Variants in TMEFF2 observed in about 807,000 individuals in gnomAD.
TMEFF2 encodes the protein transmembrane protein with EGF like and two follistatin like domains 2, also known as tomoregulin-2.
In TMEFF2, 28 loss-of-function variants were observed where a neutral mutation model predicts 53.8. That is an observed-to-expected ratio of 0.52 (90% CI 0.39 to 0.71). TMEFF2 has a LOEUF of 0.71. Ranked by LOEUF, TMEFF2 falls within the 30% of genes least tolerant of loss-of-function variation. The pLI, the probability that TMEFF2 is intolerant of heterozygous loss-of-function variation, is 0.00. For missense variants in TMEFF2, 353 were observed against 455.2 expected, an observed-to-expected ratio of 0.78 and a Z score of 2.04; for synonymous variants, 162 against 166.3, an observed-to-expected ratio of 0.97 and a Z score of 0.20.
At chr2:192,127,070 A>G (rs901805700) in intron 4 of TMEFF2, among the ~76,000 whole-genome samples, 1 of 152,222 alleles carries the variant, frequency 6.6e-6, no homozygotes, top group Admixed American at 6.5e-5. Context: ...CATGAATGAG[A>G]TTATTAGTGC....
intron 4 of TMEFF2, among the ~76,000 whole-genome samples, chr2:192,101,018 A>G (rs2105944359): frequency 6.6e-6 from 1 of 152,306 alleles, no homozygotes; most frequent in East Asian, 1.9e-4. Context: ...CGCTTATTAT[A>G]AACTGTACTT....
At chr2:191,959,303 G>A (rs1692198606) in intron 7 of TMEFF2, among the ~76,000 whole-genome samples, 1 of 152,156 alleles carries the variant, frequency 6.6e-6, no homozygotes, top group Admixed American at 6.5e-5. Context: ...CAAATGGTTT[G>A]TTCTAGAGAG....
At chr2:192,014,937 A>G (rs1574291963) in intron 5 of TMEFF2, among the ~76,000 whole-genome samples, 1 of 152,238 alleles carries the variant, frequency 6.6e-6, no homozygotes, top group African/African-American at 2.4e-5. Flanking sequence ...TTCACAGGCA[A>G]TGTTTTTATT....
chr2:192,019,079 G>A (rs79436908), intron 5 of TMEFF2, among the ~76,000 whole-genome samples: 4,282 of 151,806 alleles, frequency 0.028, 211 homozygotes, highest in African/African-American at 0.098. Flanking sequence ...TAAATAAAAC[G>A]AATAAATAAA....
chr2:192,185,378 CATTGTTTA>C lies in TMEFF2; in HGVS notation c.283-903_283-896del, dbSNP rs529107541. On this transcript the variant is annotated intron_variant, in intron 2 of 9. Transcript: ENST00000272771. Reference sequence around the variant, plus strand: ...CATGATTACTACTACTTATGTGCTTCATTGTTTAATTATAAAAAATATAATGATCAAGA... The same window carrying C: ...CATGATTACTACTACTTATGTGCTTCATTATAAAAAATATAATGATCAAGA... Among the ~76,000 whole-genome samples, 148 of 152,088 alleles carry C rather than the reference CATTGTTTA, an allele frequency of 9.7e-4. 1 individual carries two copies. Among genetic ancestry groups the C allele is most frequent in the African/African-American group, 3.0e-3 (125 of 41,532 alleles).
intron 4 of TMEFF2, among the ~76,000 whole-genome samples, chr2:192,120,458 A>G (rs1480792029): frequency 6.6e-6 from 1 of 152,170 alleles, no homozygotes. Context: ...CTGCTCATAA[A>G]TATATACAGC....
chr2:191,976,816 A>G (rs548750516), intron 7 of TMEFF2, among the ~76,000 whole-genome samples: 5 of 152,322 alleles, frequency 3.3e-5, no homozygotes, highest in South Asian at 2.1e-4. Flanking sequence ...ACAGATACCT[A>G]TACACACTTA....
chr2:192,056,335 AGAG>A lies in TMEFF2; in HGVS notation c.536+1341_536+1343del, dbSNP rs1442172995. Among the ~76,000 whole-genome samples, 5 of 152,092 alleles carry A rather than the reference AGAG, an allele frequency of 3.3e-5. No homozygotes were observed. The East Asian group carries it at 7.7e-4, about 24-fold the overall frequency. ...ATGAAGACAAAGGAGAAGGAAAAGA[AGAG>A]GAGAAGGGGAAAGACAGGGAGGGAA... On this transcript the variant is annotated intron_variant, in intron 5 of 9. Transcript: ENST00000272771.
At chr2:191,992,349 A>G (rs1455150952) in intron 7 of TMEFF2, among the ~76,000 whole-genome samples, 3 of 152,062 alleles carry the variant, frequency 2.0e-5, no homozygotes, top group African/African-American at 7.2e-5. Flanking sequence ...TTGCCACATG[A>G]CTGAATTAAT....
At chr2:192,097,110 TAAG>T in intron 4 of TMEFF2, among the ~76,000 whole-genome samples, 1 of 152,318 alleles carries the variant, frequency 6.6e-6, no homozygotes, top group Middle Eastern at 3.4e-3. Flanking sequence ...TCAAAAAACT[TAAG>T]AAAATCATGT....
intron 4 of TMEFF2, among the ~76,000 whole-genome samples, chr2:192,165,215 A>G (rs1289807442): frequency 6.6e-6 from 1 of 152,212 alleles, no homozygotes; most frequent in East Asian, 1.9e-4. Context: ...AAAAAATAAC[A>G]GACTACACAT....
Position 191,949,753 on chromosome 2 carries a change from G to A in TMEFF2, c.*558C>T, listed in dbSNP as rs1451008815. The stretch of plus-strand genomic sequence containing the variant: ...CTCTAGGGATGAAAATGGAAGACCA[G>A]GGAAGAAAGTTGATGAAATAGAGAT... On this transcript the variant is annotated 3_prime_UTR_variant, in exon 10 of 10. Coordinates refer to ENST00000272771, the MANE Select transcript of TMEFF2 (RefSeq NM_016192.4). 1.1e-5 allele frequency: 11 copies of A among 985,304 alleles called. No individual in the cohort carries two copies. Among genetic ancestry groups the A allele is most frequent in the African/African-American group, 1.7e-5 (1 of 57,350 alleles). The allele number at this position is 985,304 out of a possible 1,614,324, so 61.0% of individuals were successfully genotyped here.
chr2:192,163,073 G>T (rs139322487), intron 4 of TMEFF2, among the ~76,000 whole-genome samples: 63 of 152,290 alleles, frequency 4.1e-4, no homozygotes, highest in African/African-American at 1.5e-3. Flanking sequence ...AAAGTCTATG[G>T]GTGGGCCTTG....
intron 7 of TMEFF2, among the ~76,000 whole-genome samples, chr2:191,980,145 T>G (rs1485104961): frequency 6.6e-6 from 1 of 152,172 alleles, no homozygotes; most frequent in Admixed American, 6.5e-5. Context: ...TCATGGAGTT[T>G]CTATTATGAG....
intron 7 of TMEFF2, among the ~76,000 whole-genome samples, chr2:191,980,348 T>A (rs1685826474): frequency 1.3e-5 from 2 of 152,194 alleles, no homozygotes; most frequent in South Asian, 2.1e-4. Flanking sequence ...AGGAAGCACA[T>A]CTTTGTGAGC....
At chr2:192,000,590 A>T (rs1686331217) in intron 5 of TMEFF2, among the ~76,000 whole-genome samples, 1 of 152,168 alleles carries the variant, frequency 6.6e-6, no homozygotes, top group African/African-American at 2.4e-5. Context: ...TTAAGTAGTC[A>T]TCCTGGCACC....
At chr2:192,019,050 A>AT (rs1398449870) in intron 5 of TMEFF2, among the ~76,000 whole-genome samples, 1 of 152,082 alleles carries the variant, frequency 6.6e-6, no homozygotes, top group African/African-American at 2.4e-5. Context: ...ATAATTTTAC[A>AT]TTTTGTACAT....
At chr2:192,180,326 C>G (rs920936997) in intron 3 of TMEFF2, among the ~76,000 whole-genome samples, 2 of 151,444 alleles carry the variant, frequency 1.3e-5, no homozygotes, top group African/African-American at 4.8e-5. Context: ...ACTTCCTCTT[C>G]TGGATTTTTC....
At chr2:191,975,263 TTC>T (rs1160075131) in intron 7 of TMEFF2, among the ~76,000 whole-genome samples, 2 of 33,572 alleles carry the variant, frequency 6.0e-5, no homozygotes, top group South Asian at 1.2e-3. Flanking sequence ...TTTCTTTTTC[TTC>T]TTTTTTTTTT....
Sources: allele counts gnomAD v4.1 joint callset (sites outside exome capture counted in the v4.1 genomes callset), GRCh38; gene constraint gnomAD v4.1.1; transcripts MANE v1.5; gene names NCBI Gene and HGNC (gene_info 2026-07-23, HGNC 2026-07-21).